SMCR8: variants seen among roughly 807,000 people sequenced by gnomAD.
SMCR8 encodes the protein guanine nucleotide exchange protein SMCR8.
SMCR8 carries 30 observed loss-of-function variants against 56.6 expected under a neutral mutation model. The observed-to-expected ratio is 0.53, with a 90% confidence interval of 0.40 to 0.72. The LOEUF is 0.72. SMCR8 is among the 30% of genes least tolerant of loss of function. SMCR8 has a pLI of 0.00. For missense variants in SMCR8, 1,198 were observed against 1,157.0 expected (o/e 1.04, Z -0.51); for synonymous variants, 538 against 456.0 (o/e 1.18, Z -2.29).
Position 18,327,920 on chromosome 17 carries a change from T to C in SMCR8, c.*4850T>C, listed in dbSNP as rs1311789357. 1 of 152,650 alleles carries C rather than the reference T, an allele frequency of 6.6e-6. No homozygotes were observed. The highest frequency in any genetic ancestry group is 2.4e-5 in the African/African-American group (1 of 41,456). The allele number at this position is 152,650 out of a possible 1,614,324, so 9.5% of individuals were successfully genotyped here. A position where few individuals can be genotyped will look rare whatever the true frequency, so the allele number is the denominator to read the frequency against. On this transcript the variant is annotated 3_prime_UTR_variant, in exon 2 of 2. Transcript: ENST00000406438. The stretch of plus-strand genomic sequence containing the variant: ...TTTGAGTTCAAATATTTTTGAAATA[T>C]AAAAATTGGTTGTATTTTTTAAAGC...
In SMCR8 at chr17:18,318,155, T is replaced by A; in HGVS notation, c.2360+6T>A. ...AAGCTTATTGGCTTGCAGAGGTAAC[T>A]GGTTCCAGGTGGTGGGGAAGGGCCT... On this transcript the variant is annotated splice_donor_region_variant and intron_variant, in intron 1 of 1. Transcript: ENST00000406438. 6.2e-7 allele frequency: 1 copy of A among 1,607,124 alleles called. No homozygotes were observed. The highest frequency in any genetic ancestry group is 1.1e-5 in the South Asian group (1 of 90,616).
Position 18,322,926 on chromosome 17 carries a change from G to A in SMCR8, c.2670G>A (p.Leu890=). Residue 890 remains leucine (L), a synonymous_variant, in exon 2 of 2, where the codon CTG becomes CTA. Coordinates refer to ENST00000406438, the MANE Select transcript of SMCR8 (RefSeq NM_144775.3). The part of the protein sequence containing the change: ...VASRQMSFLK[L]TLGLVNEDVR... Reference sequence around the variant, plus strand: ...GCCGCCAGATGAGCTTCCTAAAGCTGACCCTGGGTCTGGTGAATGAGGATG... The same window carrying A: ...GCCGCCAGATGAGCTTCCTAAAGCTAACCCTGGGTCTGGTGAATGAGGATG... 1 of 1,614,228 alleles carries A rather than the reference G, an allele frequency of 6.2e-7. No homozygotes were observed. The highest frequency in any genetic ancestry group is 8.5e-7 in the Non-Finnish European group (1 of 1,180,040).
chr17:18,323,180 T>C lies in SMCR8; in HGVS notation c.*110T>C. On this transcript the variant is annotated 3_prime_UTR_variant, in exon 2 of 2. Coordinates refer to ENST00000406438, the MANE Select transcript of SMCR8 (RefSeq NM_144775.3). ...CTGGACTGTTTAAGTTTCTGGTGTC[T>C]GGCAGCATGGTTCCCACGTGGCTCC... 2.1e-6 allele frequency: 2 copies of C among 950,726 alleles called. No homozygotes were observed. The highest frequency in any genetic ancestry group is 3.4e-5 in the South Asian group (2 of 59,510). 58.9% of individuals were successfully genotyped at this position (950,726 alleles called of 1,614,324 possible). A position where few individuals can be genotyped will look rare whatever the true frequency, so the allele number is the denominator to read the frequency against.
In SMCR8 at chr17:18,315,880, T is replaced by C. The variant is rs1009600203; in HGVS notation, c.91T>C (p.Ser31Pro). 2.5e-6 allele frequency: 4 copies of C among 1,614,044 alleles called. No individual in the cohort carries two copies. The highest frequency in any genetic ancestry group is 4.5e-5 in the East Asian group (2 of 44,894). ...TGAGCCGGCCCTGCCTGAGGAGTAC[T>C]CGGTGCCGCTCTTCCCCTTCGCCAG... is the stretch of plus-strand genomic sequence containing the variant. Reference protein sequence around the residue: ...YNEPALPEEYSVPLFPFASQG... With the variant: ...YNEPALPEEYPVPLFPFASQG... The change falls in exon 1 of 2, where the codon TCG (serine) becomes CCG (proline). Residue 31 changes from serine to proline, a missense_variant. Physicochemically the swap from Ser to Pro is moderately conservative, Grantham distance 74. Coordinates refer to ENST00000406438, the MANE Select transcript of SMCR8 (RefSeq NM_144775.3).
chr17:18,316,520 T>C lies in SMCR8; in HGVS notation c.731T>C (p.Ile244Thr). ...NELASVEKSI[I>T]EHQDLLKQIR... is the part of the protein sequence containing the mutation. ...CTGGCCAGTGTGGAGAAGTCCATCA[T>C]TGAACATCAAGACCTGCTGAAGCAG... Residue 244 changes from isoleucine to threonine, a missense_variant, in exon 1 of 2, where the codon ATT becomes ACT. Ile to Thr is a moderately conservative substitution (Grantham distance 89). Transcript: ENST00000406438. 1.2e-6 allele frequency: 2 copies of C among 1,614,124 alleles called. No individual in the cohort carries two copies. Among genetic ancestry groups the C allele is most frequent in the Non-Finnish European group, 8.5e-7 (1 of 1,180,020 alleles).
rs757365335 is a variant in SMCR8 at position 18,317,834 on chromosome 17, C to T, written c.2045C>T (p.Ala682Val). 4 of 1,614,128 alleles carry T rather than the reference C, an allele frequency of 2.5e-6. No homozygotes were observed. The highest frequency in any genetic ancestry group is 1.3e-5 in the African/African-American group (1 of 75,046). The change falls in exon 1 of 2, where the codon GCG becomes GTG. Residue 682 changes from alanine to valine, a missense_variant. Coordinates refer to ENST00000406438, the MANE Select transcript of SMCR8 (RefSeq NM_144775.3). ...ACCACCAGCTACGTGAGCAGTGTAG[C>T]GTCCACCAGCTCAGACAGGATCCCC... ...SDTTSYVSSV[A>V]STSSDRIPSA...
In SMCR8 at chr17:18,324,020, G is replaced by C. The variant is rs1251832228; in HGVS notation, c.*950G>C. Reference sequence around the variant, plus strand: ...CCTCGTGGGGAAGGTCTGCAGACCCGTGTGAACATGGCAGAGGCCACACTC... The same window carrying C: ...CCTCGTGGGGAAGGTCTGCAGACCCCTGTGAACATGGCAGAGGCCACACTC... On this transcript the variant is annotated 3_prime_UTR_variant, in exon 2 of 2. Transcript: ENST00000406438. The C allele has an allele frequency of 6.6e-6, 1 of 152,308 alleles. No individual in the cohort carries two copies. The highest frequency in any genetic ancestry group is 1.9e-4 in the East Asian group (1 of 5,204). 9.4% of individuals were successfully genotyped at this position (152,308 alleles called of 1,614,324 possible). A position where few individuals can be genotyped will look rare whatever the true frequency, so the allele number is the denominator to read the frequency against.
rs760708311 is a variant in SMCR8, at chr17:18,316,615, G to A, written c.826G>A (p.Asp276Asn). 1 of 1,614,146 alleles carries A rather than the reference G, an allele frequency of 6.2e-7. No individual in the cohort carries two copies. Among genetic ancestry groups the A allele is most frequent in the South Asian group, 1.1e-5 (1 of 91,084 alleles). Residue 276 changes from aspartate to asparagine, a missense_variant, in exon 1 of 2, where the codon GAT (aspartate) becomes AAT (asparagine). Physicochemically the swap from Asp to Asn is conservative, Grantham distance 23. Coordinates refer to ENST00000406438, the MANE Select transcript of SMCR8 (RefSeq NM_144775.3). Reference protein sequence around the residue: ...LCPGEMEHIQDQASQASTTSN... With the variant: ...LCPGEMEHIQNQASQASTTSN... ...TCCTGGTGAGATGGAGCACATCCAG[G>A]ATCAGGCCAGCCAGGCATCCACTAC...
rs1453184726 is a variant in SMCR8 at position 18,322,946 on chromosome 17, A to C, written c.2690A>C (p.Glu897Ala). 6.2e-7 allele frequency: 1 copy of C among 1,614,216 alleles called. No individual in the cohort carries two copies. The change falls in exon 2 of 2, where the codon GAG (glutamate) becomes GCG (alanine). Residue 897 changes from glutamate (E) to alanine (A), a missense_variant. By Grantham distance (107) the Glu-to-Ala change is moderately radical. Coordinates refer to ENST00000406438, the MANE Select transcript of SMCR8 (RefSeq NM_144775.3). ...AAGCTGACCCTGGGTCTGGTGAATG[A>C]GGATGTTAGGGTGGTCCAGTACCTG... Reference protein sequence around the residue: ...FLKLTLGLVNEDVRVVQYLAE... With the variant: ...FLKLTLGLVNADVRVVQYLAE...
In SMCR8 at chr17:18,316,583, A is replaced by T. The variant is rs1184178455; in HGVS notation, c.794A>T (p.Asp265Val). Residue 265 changes from aspartate (D) to valine (V), a missense_variant, in exon 1 of 2, where the codon GAT becomes GTT. Asp to Val is a radical substitution (Grantham distance 152). Coordinates refer to ENST00000406438, the MANE Select transcript of SMCR8 (RefSeq NM_144775.3). ...SYPHRKLKGH[D>V]LCPGEMEHIQ... Reference sequence around the variant, plus strand: ...CCTCATCGGAAGTTGAAGGGGCATGATTTGTGTCCTGGTGAGATGGAGCAC... The same window carrying T: ...CCTCATCGGAAGTTGAAGGGGCATGTTTTGTGTCCTGGTGAGATGGAGCAC... 5 of 1,614,096 alleles carry T rather than the reference A, an allele frequency of 3.1e-6. No individual in the cohort carries two copies. The South Asian group carries it at 4.4e-5, about 14-fold the overall frequency.
chr17:18,320,146 G>C (rs182915045), intron 1 of SMCR8, among the ~76,000 whole-genome samples: 85 of 152,358 alleles, frequency 5.6e-4, no homozygotes, highest in Non-Finnish European at 2.9e-5. Flanking sequence ...GTCCTGGCTT[G>C]ACCACTTGCT....
At position 18,315,937 on chromosome 17, in the gene SMCR8, G is replaced by A. The variant is rs1982252980; in HGVS notation, c.148G>A (p.Gly50Arg). Residue 50 changes from glycine (G) to arginine (R), a missense_variant, in exon 1 of 2, where the codon GGG becomes AGG. Transcript: ENST00000406438. ...QGANPWSKLS[G>R]AKFSRDFILI... ...TGCTAACCCCTGGTCAAAACTGTCC[G>A]GGGCCAAGTTTTCGAGGGACTTCAT... The A allele has an allele frequency of 1.9e-6, 3 of 1,614,150 alleles. No homozygotes were observed. The highest frequency in any genetic ancestry group is 1.3e-5 in the African/African-American group (1 of 75,026).
intron 1 of SMCR8, among the ~76,000 whole-genome samples, chr17:18,321,461 T>C (rs1982494633): frequency 6.6e-6 from 1 of 152,204 alleles, no homozygotes; most frequent in African/African-American, 2.4e-5. Flanking sequence ...AAAGTAGTGA[T>C]GGCGATGACA....
chr17:18,321,787 G>A (rs746696454), intron 1 of SMCR8, among the ~76,000 whole-genome samples: 88 of 152,158 alleles, frequency 5.8e-4, no homozygotes, highest in African/African-American at 1.9e-3. Flanking sequence ...AGTCATGATC[G>A]TGCTACTGCA....
intron 1 of SMCR8, among the ~76,000 whole-genome samples, chr17:18,321,682 A>G (rs944884923): frequency 2.0e-5 from 3 of 152,182 alleles, no homozygotes; most frequent in African/African-American, 7.2e-5. Flanking sequence ...TCTACAAAAA[A>G]TTATCTGGGT....
Position 18,315,803 on chromosome 17 carries a change from C to T in SMCR8, c.14C>T (p.Pro5Leu), listed in dbSNP as rs1013690039. Residue 5 changes from proline (P) to leucine (L), a missense_variant, in exon 1 of 2, where the codon CCT becomes CTT. By Grantham distance (98) the Pro-to-Leu change is moderately conservative. Transcript: ENST00000406438. MISA[P>L]DVVAFTKEEE... ...ATATCTGGAAATATGATCAGCGCCC[C>T]TGACGTAGTGGCCTTCACCAAAGAG... The T allele has an allele frequency of 6.3e-7, 1 of 1,590,096 alleles. No homozygotes were observed. Among genetic ancestry groups the T allele is most frequent in the Non-Finnish European group, 8.6e-7 (1 of 1,164,612 alleles).
In SMCR8 at chr17:18,316,201, C is replaced by T; in HGVS notation, c.412C>T (p.His138Tyr). The T allele has an allele frequency of 6.2e-7, 1 of 1,613,890 alleles. No individual in the cohort carries two copies. Among genetic ancestry groups the T allele is most frequent in the Non-Finnish European group, 8.5e-7 (1 of 1,180,024 alleles). ...SKEGAFAYVH[H>Y]LTLYDLEARG... Reference sequence around the variant, plus strand: ...GGAGGGCGCCTTTGCATACGTGCACCACCTTACCCTATACGACCTGGAGGC... The same window carrying T: ...GGAGGGCGCCTTTGCATACGTGCACTACCTTACCCTATACGACCTGGAGGC... The change falls in exon 1 of 2, where the codon CAC (histidine) becomes TAC (tyrosine). Residue 138 changes from histidine to tyrosine, a missense_variant. Physicochemically the swap from His to Tyr is moderately conservative, Grantham distance 83. Transcript: ENST00000406438.
rs554403217 is a variant in SMCR8, at chr17:18,323,455, A to C, written c.*385A>C. ...CACTGGCTGTATTCAGCATTGCCGGACACTTGAGTGGCAAAATGAACGAGG... is the reference window on the plus strand; with the variant it reads ...CACTGGCTGTATTCAGCATTGCCGGCCACTTGAGTGGCAAAATGAACGAGG... On this transcript the variant is annotated 3_prime_UTR_variant, in exon 2 of 2. Transcript: ENST00000406438. 5 of 211,480 alleles carry C rather than the reference A, an allele frequency of 2.4e-5. No individual in the cohort carries two copies. Among genetic ancestry groups the C allele is most frequent in the Non-Finnish European group, 4.8e-5 (5 of 103,714 alleles). The allele number at this position is 211,480 out of a possible 1,614,324, so 13.1% of individuals were successfully genotyped here.
rs566057729 is a variant in SMCR8 at position 18,327,962 on chromosome 17, A to G, written c.*4892A>G. ...TTTTAAAGCTATAATTCTTGTAGAC[A>G]TTCTGTGGTTAAAAATTTGATTGTG... On this transcript the variant is annotated 3_prime_UTR_variant, in exon 2 of 2. Transcript: ENST00000406438. The G allele has an allele frequency of 2.6e-5, 4 of 152,778 alleles. No homozygotes were observed. The South Asian group carries it at 6.2e-4, about 24-fold the overall frequency. The allele number at this position is 152,778 out of a possible 1,614,324, so 9.5% of individuals were successfully genotyped here. A position where few individuals can be genotyped will look rare whatever the true frequency, so the allele number is the denominator to read the frequency against.
Sources: allele counts gnomAD v4.1 joint callset (sites outside exome capture counted in the v4.1 genomes callset), GRCh38; gene constraint gnomAD v4.1.1; transcripts MANE v1.5; gene names NCBI Gene and HGNC (gene_info 2026-07-23, HGNC 2026-07-21).